ABCA3: variants seen among roughly 807,000 people sequenced by gnomAD.
The protein encoded by ABCA3 is ATP binding cassette subfamily A member 3, also known as phospholipid-transporting ATPase ABCA3.
A neutral mutation model predicts 172.8 loss-of-function variants in ABCA3; 88 were observed. The observed-to-expected ratio is 0.51, with a 90% CI of 0.43 to 0.61. ABCA3 has a LOEUF of 0.61. Ranked by LOEUF, ABCA3 falls within the 20% of genes least tolerant of loss-of-function variation. The pLI, the probability that ABCA3 is intolerant of heterozygous loss-of-function variation, is 0.00. For synonymous variants in ABCA3, 1,066 were observed against 983.8 expected (o/e 1.08, Z -1.56); for missense variants, 2,164 against 2,301.0 (o/e 0.94, Z 1.22).
Position 2,283,960 on chromosome 16 carries a change from C to G in ABCA3, c.3862+319G>C. 1 of 306,564 alleles carries G rather than the reference C, an allele frequency of 3.3e-6. No homozygotes were observed. The highest frequency in any genetic ancestry group is 6.2e-6 in the Non-Finnish European group (1 of 161,038). 19.0% of individuals were successfully genotyped at this position (306,564 alleles called of 1,614,324 possible). A position where few individuals can be genotyped will look rare whatever the true frequency, so the allele number is the denominator to read the frequency against. ...CAGGAGCTCAGGATGCCTGGAGCCT[C>G]CAGGAGATGGGAGAAGCAGGAAGGG... On this transcript the variant is annotated intron_variant, in intron 25 of 32. Coordinates refer to ENST00000301732, the MANE Select transcript of ABCA3 (RefSeq NM_001089.3). This position sits in a 1 kb window ranked among gnomAD's most constrained non-coding sequence, Gnocchi z 5.4.
intron 10 of ABCA3, among the ~76,000 whole-genome samples, chr16:2,310,174 G>C (rs1357356051): frequency 1.3e-5 from 2 of 152,116 alleles, no homozygotes; most frequent in Non-Finnish European, 2.9e-5. Context: ...GGGAGGCTGA[G>C]GTGGGCAGAT....
chr16:2,328,792 T>G (rs1239588627), intron 2 of ABCA3, 35 bp from the exon 3 acceptor site: 1 of 249,726 alleles, frequency 4.0e-6, no homozygotes, highest in African/African-American at 2.2e-5. Context: ...TCAGCCAGGT[T>G]AAGATGCACG....
chr16:2,323,069 G>A (rs1459713468), intron 7 of ABCA3, among the ~76,000 whole-genome samples: 1 of 152,138 alleles, frequency 6.6e-6, no homozygotes, highest in Non-Finnish European at 1.5e-5. Context: ...CATCATCACT[G>A]GCCATCAGAG....
Position 2,325,944 on chromosome 16 carries a change from C to T in ABCA3, c.319+66G>A, listed in dbSNP as rs1331068744. On this transcript the variant is annotated intron_variant, in intron 5 of 32. Coordinates refer to ENST00000301732, the MANE Select transcript of ABCA3 (RefSeq NM_001089.3). ...GCTGCTTCGCACATCCTGGGCTCGA[C>T]CCCTGCCTGCCCAGCCGCGTGGAGG... is the stretch of plus-strand genomic sequence containing the variant. 3.7e-6 allele frequency: 6 copies of T among 1,604,604 alleles called. No individual in the cohort carries two copies. The East Asian group carries it at 1.1e-4, about 30-fold the overall frequency.
rs2093663565 is a variant in ABCA3, at chr16:2,286,614, C to G, written c.3278+80G>C. ...TGGGAGGGCAGACACAATGCTCTAT[C>G]TATGGGCCCGTGGCAGTGCCCAGGG... On this transcript the variant is annotated intron_variant, in intron 22 of 32. Coordinates refer to ENST00000301732, the MANE Select transcript of ABCA3 (RefSeq NM_001089.3). The surrounding 1 kb of genome is among the most constrained non-coding windows in gnomAD (Gnocchi z 5.2). 6 of 1,576,414 alleles carry G rather than the reference C, an allele frequency of 3.8e-6. No individual in the cohort carries two copies. In the South Asian group the frequency reaches 6.8e-5, roughly 18 times the overall value.
chr16:2,297,402 T>G lies in ABCA3; in HGVS notation c.2190A>C (p.Gly730=), dbSNP rs2093681486. 6.2e-7 allele frequency: 1 copy of G among 1,613,412 alleles called. No individual in the cohort carries two copies. Residue 730 remains glycine, a synonymous_variant, in exon 17 of 33, where the codon GGA becomes GGC. Transcript: ENST00000301732. The surrounding 1 kb of genome is among the most constrained non-coding windows in gnomAD (Gnocchi z 5.6). Reference sequence around the variant, plus strand: ...CCTTGGCCATGATGGCGATGCGGTCTCCCAGCAGGTCAGCCTCGTCCATGA... The same window carrying G: ...CCTTGGCCATGATGGCGATGCGGTCGCCCAGCAGGTCAGCCTCGTCCATGA... ...THFMDEADLL[G]DRIAIMAKGE...
chr16:2,320,262 C>A (rs1035471771), intron 7 of ABCA3, among the ~76,000 whole-genome samples: 5 of 150,968 alleles, frequency 3.3e-5, no homozygotes, highest in Admixed American at 6.6e-5. Context: ...CCATGCCCAG[C>A]TAATTTTTTG....
intron 3 of ABCA3, among the ~76,000 whole-genome samples, chr16:2,328,155 A>T (rs2093737299): frequency 6.6e-6 from 1 of 152,240 alleles, no homozygotes; most frequent in South Asian, 2.1e-4. Context: ...GATCAAATAC[A>T]GGTGATAGCA....
intron 12 of ABCA3, 62 bp downstream of exon 12, chr16:2,303,907 G>T: frequency 6.3e-7 from 1 of 1,582,704 alleles, no homozygotes; most frequent in Non-Finnish European, 8.7e-7. Flanking sequence ...CCCTGAGCAG[G>T]TACTGGGGAC....
chr16:2,289,931 AGGT>A (rs2093669207), intron 19 of ABCA3, among the ~76,000 whole-genome samples: 2 of 147,984 alleles, frequency 1.4e-5, no homozygotes, highest in Admixed American at 1.4e-4. Context: ...CTGGCAGAGG[AGGT>A]GATTTTTTAA....
rs753521960 is a variant in ABCA3 at position 2,303,956 on chromosome 16, C to A, written c.1467+13G>T. 3.0e-5 allele frequency: 49 copies of A among 1,613,860 alleles called. 1 individual carries two copies. Among genetic ancestry groups the A allele is most frequent in the Non-Finnish European group, 3.9e-5 (46 of 1,180,012 alleles). Reference sequence around the variant, plus strand: ...GAGAGGCGGCGGCTCAAGAGCAGGGCATCAGAACTCACCATGATGAAGAAG... The same window carrying A: ...GAGAGGCGGCGGCTCAAGAGCAGGGAATCAGAACTCACCATGATGAAGAAG... On this transcript the variant is annotated intron_variant, in intron 12 of 32. Coordinates refer to ENST00000301732, the MANE Select transcript of ABCA3 (RefSeq NM_001089.3).
intron 13 of ABCA3, among the ~76,000 whole-genome samples, 164 bp downstream of exon 13, chr16:2,299,841 G>A (rs1336681266): frequency 6.6e-6 from 1 of 152,188 alleles, no homozygotes; most frequent in Non-Finnish European, 1.5e-5. Flanking sequence ...GTGCCCTGGG[G>A]AACCGGTTAG....
At position 2,283,374 on chromosome 16, in the gene ABCA3, G is replaced by A. The variant is rs758907396; in HGVS notation, c.3863-16C>T. 9 of 1,611,240 alleles carry A rather than the reference G, an allele frequency of 5.6e-6. No homozygotes were observed. Among genetic ancestry groups the A allele is most frequent in the East Asian group, 2.2e-5 (1 of 44,836 alleles). On this transcript the variant is annotated splice_polypyrimidine_tract_variant and intron_variant, in intron 25 of 32. Transcript: ENST00000301732. This position sits in a 1 kb window ranked among gnomAD's most constrained non-coding sequence, Gnocchi z 5.4. ...TACTGGATGTCTGTGGGGCGAGGGA[G>A]TCACTGTGCCCCGAGGCCTGGGGCA...
Position 2,297,538 on chromosome 16 carries a change from A to T in ABCA3, c.2054T>A (p.Val685Glu). The T allele has an allele frequency of 6.2e-7, 1 of 1,612,044 alleles. No individual in the cohort carries two copies. The highest frequency in any genetic ancestry group is 8.5e-7 in the Non-Finnish European group (1 of 1,179,862). Residue 685 changes from valine to glutamate, a missense_variant and splice_region_variant, in exon 17 of 33, where the codon GTG becomes GAG. Coordinates refer to ENST00000301732, the MANE Select transcript of ABCA3 (RefSeq NM_001089.3). The surrounding 1 kb of genome is among the most constrained non-coding windows in gnomAD (Gnocchi z 5.6). ...CGAGGTGGGCTCGTCCAGTATCAGC[A>T]CCTGGAGGGAGAGACACAGTCTCGC... ...IGIALIAGSK[V>E]LILDEPTSGM...
At chr16:2,319,357 C>A (rs1282392355) in intron 8 of ABCA3, among the ~76,000 whole-genome samples, 1 of 151,974 alleles carries the variant, frequency 6.6e-6, no homozygotes, top group Non-Finnish European at 1.5e-5. Context: ...TGGTGGCAGG[C>A]ACCTATAGTC....
chr16:2,332,205 A>C, intron 1 of ABCA3: 1 of 380,548 alleles, frequency 2.6e-6, no homozygotes, highest in Non-Finnish European at 4.7e-6. Context: ...TCAGCAGCAA[A>C]TTGGAGAAAT....
intron 14 of ABCA3, 128 bp from the exon 15 acceptor site, chr16:2,298,668 G>A (rs550878129): frequency 2.4e-5 from 28 of 1,148,278 alleles, no homozygotes; most frequent in Non-Finnish European, 3.2e-5. Context: ...GAGAGGGCAC[G>A]GAACCCCACT....
intron 10 of ABCA3, among the ~76,000 whole-genome samples, chr16:2,311,662 C>T (rs2093706936): frequency 6.6e-6 from 1 of 152,190 alleles, no homozygotes; most frequent in African/African-American, 2.4e-5. Context: ...GATGGGATTA[C>T]AGGCATCCGC....
In ABCA3 at chr16:2,319,765, G is replaced by C. The variant is rs148507388; in HGVS notation, c.689C>G (p.Ala230Gly). ...CAGTCTCTGGAACAGCTGGCGTGTG[G>C]CGGCATCGGCATGGTACTCCATGAT... ...RAIMEYHADAATRQLFQRLTV... is the reference protein window; with the variant it reads ...RAIMEYHADAGTRQLFQRLTV... The change falls in exon 8 of 33, where the codon GCC becomes GGC. Residue 230 changes from alanine (A) to glycine (G), a missense_variant. Ala to Gly is a moderately conservative substitution (Grantham distance 60). Around this residue, in one of 3 missense-constraint regions of ABCA3, gnomAD observed 1,343 missense variants for 1,369.6 expected, o/e 0.98. Coordinates refer to ENST00000301732, the MANE Select transcript of ABCA3 (RefSeq NM_001089.3). 1 of 1,614,054 alleles carries C rather than the reference G, an allele frequency of 6.2e-7. No homozygotes were observed. The highest frequency in any genetic ancestry group is 8.5e-7 in the Non-Finnish European group (1 of 1,180,034).
Sources: allele counts gnomAD v4.1 joint callset (sites outside exome capture counted in the v4.1 genomes callset), GRCh38; gene constraint gnomAD v4.1.1; regional missense constraint gnomAD v4.1.1; non-coding constraint Gnocchi (gnomAD v3.1); transcripts MANE v1.5; gene names NCBI Gene and HGNC (gene_info 2026-07-23, HGNC 2026-07-21).